Variants in STIMATE observed in about 807,000 individuals in gnomAD.
STIMATE encodes store-operated calcium entry regulator STIMATE.
In STIMATE, 15 loss-of-function variants were observed where a neutral mutation model predicts 36.7. That is an observed-to-expected ratio of 0.41 (90% CI 0.27 to 0.63). STIMATE has a LOEUF of 0.63. Ranked by LOEUF, STIMATE falls within the 20% of genes least tolerant of loss-of-function variation. The pLI, the probability that STIMATE is intolerant of heterozygous loss-of-function variation, is 0.32. For missense variants in STIMATE, 305 were observed against 397.3 expected, an observed-to-expected ratio of 0.77 and a Z score of 1.98; for synonymous variants, 163 against 162.3, an observed-to-expected ratio of 1.00 and a Z score of -0.03.
At position 52,897,391 on chromosome 3, in the gene STIMATE, G is replaced by A; in HGVS notation, c.60C>T (p.Val20=). The change falls in exon 1 of 8, where the codon GTC becomes GTT. Residue 20 remains valine, a synonymous_variant. Coordinates refer to ENST00000355083, the MANE Select transcript of STIMATE (RefSeq NM_198563.5). ...TCTCGCAGCGGCCCGCCCCGGACGC[G>A]ACTGTGGAGGGCGGCCCGCCTGGCA... is the stretch of plus-strand genomic sequence containing the variant. The part of the protein sequence containing the change: ...RGLPGGPPST[V]ASGAGRCESG... 2 of 1,506,852 alleles carry A rather than the reference G, an allele frequency of 1.3e-6. No individual in the cohort carries two copies. Among genetic ancestry groups the A allele is most frequent in the Non-Finnish European group, 1.8e-6 (2 of 1,134,122 alleles). The allele number at this position is 1,506,852 out of a possible 1,614,324, so 93.3% of individuals were successfully genotyped here.
At chr3:52,843,105 C>G (rs1037343818) in intron 6 of STIMATE, 145 bp from the exon 7 acceptor site, 39 of 1,389,996 alleles carry the variant, frequency 2.8e-5, no homozygotes, top group Non-Finnish European at 7.7e-6. Flanking sequence ...CCTGCTCTCT[C>G]CCAAAGCTTA....
rs1701075391 is a variant in STIMATE, at chr3:52,855,427, G to C, written c.178C>G (p.Pro60Ala). The C allele has an allele frequency of 6.2e-7, 1 of 1,614,006 alleles. No homozygotes were observed. Among genetic ancestry groups the C allele is most frequent in the Non-Finnish European group, 8.5e-7 (1 of 1,180,010 alleles). Residue 60 changes from proline (P) to alanine (A), a missense_variant, in exon 2 of 8, where the codon CCA (proline) becomes GCA (alanine). Around this residue, in one of 3 missense-constraint regions of STIMATE, gnomAD observed 164 missense variants for 257.9 expected, o/e 0.64. Coordinates refer to ENST00000355083, the MANE Select transcript of STIMATE (RefSeq NM_198563.5). ...STLMLKRFRE[P>A]KHERRPWRIW... ...CTCCACGGACGTCTTTCATGCTTTG[G>C]TTCTCTGAAGCGTTTGACTGAAAGA...
At chr3:52,895,788 A>G in intron 1 of STIMATE, 1 of 991,448 alleles carries the variant, frequency 1.0e-6, no homozygotes, top group Non-Finnish European at 1.4e-6. Context: ...GTTAGGGAGC[A>G]AAAGAAAAAT....
rs1700721043 is a variant in STIMATE at position 52,837,314 on chromosome 3, C to T, written c.*3180G>A. 1 of 152,332 alleles carries T rather than the reference C, an allele frequency of 6.6e-6. No individual in the cohort carries two copies. Among genetic ancestry groups the T allele is most frequent in the Non-Finnish European group, 1.5e-5 (1 of 68,110 alleles). 9.4% of individuals were successfully genotyped at this position (152,332 alleles called of 1,614,324 possible). A position where few individuals can be genotyped will look rare whatever the true frequency, so the allele number is the denominator to read the frequency against. On this transcript the variant is annotated 3_prime_UTR_variant, in exon 8 of 8. Transcript: ENST00000355083. ...GCTGCACCCTACAGGCTTACACTGT[C>T]TAAGGGAAGTCACAGCTTGGATTTG...
At position 52,840,427 on chromosome 3, in the gene STIMATE, C is replaced by T. The variant is rs1700775270; in HGVS notation, c.*67G>A. ...GGCAGAGAGAGGGTAAGGAACGATGCTGCGGGATGACCTCTGCACACCAGC... is the reference window on the plus strand; with the variant it reads ...GGCAGAGAGAGGGTAAGGAACGATGTTGCGGGATGACCTCTGCACACCAGC... On this transcript the variant is annotated 3_prime_UTR_variant, in exon 8 of 8. Transcript: ENST00000355083. The T allele has an allele frequency of 6.5e-7, 1 of 1,541,966 alleles. No individual in the cohort carries two copies. The highest frequency in any genetic ancestry group is 8.9e-7 in the Non-Finnish European group (1 of 1,125,138).
intron 1 of STIMATE, among the ~76,000 whole-genome samples, chr3:52,862,383 C>T (rs1701232675): frequency 6.6e-6 from 1 of 152,198 alleles, no homozygotes; most frequent in East Asian, 1.9e-4. Flanking sequence ...TCCACTCCAC[C>T]AGCACTGAGC....
chr3:52,853,559 G>A (rs924381928), intron 2 of STIMATE, among the ~76,000 whole-genome samples: 2 of 152,152 alleles, frequency 1.3e-5, no homozygotes, highest in African/African-American at 4.8e-5. Flanking sequence ...CCAACCCAGC[G>A]ACGGTGGCTG....
At chr3:52,849,997 C>A (rs1175204683) in intron 3 of STIMATE, 84 bp from the exon 4 acceptor site, 3 of 1,504,118 alleles carry the variant, frequency 2.0e-6, no homozygotes, top group East Asian at 4.9e-5. Flanking sequence ...CTGAGGGAAG[C>A]GGATGGACCC....
chr3:52,843,844 A>G, intron 5 of STIMATE, 46 bp from the exon 6 acceptor site: 1 of 926,624 alleles, frequency 1.1e-6, no homozygotes, highest in Non-Finnish European at 1.6e-6. Flanking sequence ...GGCCACCGAG[A>G]GTGTGCCTGG....
At chr3:52,859,170 A>T (rs911604853) in intron 1 of STIMATE, among the ~76,000 whole-genome samples, 14 of 146,134 alleles carry the variant, frequency 9.6e-5, no homozygotes, top group Admixed American at 2.1e-4. Flanking sequence ...CTCAAAAAAA[A>T]TAAAATAAAT....
At chr3:52,875,921 ACC>A (rs1266968462) in intron 1 of STIMATE, among the ~76,000 whole-genome samples, 2 of 152,212 alleles carry the variant, frequency 1.3e-5, no homozygotes, top group East Asian at 3.9e-4. Flanking sequence ...CAGCCAGCTC[ACC>A]TGGAGAAGCA....
At position 52,861,472 on chromosome 3, in the gene STIMATE, ACAGT is replaced by A. The variant is rs1293423298; in HGVS notation, c.161-6032_161-6029del. 2.0e-5 allele frequency among the ~76,000 whole-genome samples: 3 copies of A among 152,354 alleles called. No homozygotes were observed. The East Asian group carries it at 5.8e-4, about 29-fold the overall frequency. ...AGGAGGAGTGGTCAACAGCCTGGGC[ACAGT>A]CAGACAGATGTGGCTTTGAATCCTG... On this transcript the variant is annotated intron_variant, in intron 1 of 7. Coordinates refer to ENST00000355083, the MANE Select transcript of STIMATE (RefSeq NM_198563.5).
intron 1 of STIMATE, among the ~76,000 whole-genome samples, chr3:52,859,530 A>AAAAT (rs1701173396): frequency 2.1e-5 from 1 of 47,068 alleles, no homozygotes; most frequent in Non-Finnish European, 4.7e-5. Flanking sequence ...AAAAAAAAAA[A>AAAAT]ATTTTTTTTT....
chr3:52,852,399 G>A (rs988510478), intron 3 of STIMATE, among the ~76,000 whole-genome samples: 7 of 152,196 alleles, frequency 4.6e-5, no homozygotes, highest in Non-Finnish European at 7.3e-5. Context: ...GTGTCAACAC[G>A]CAAAGCCCTA....
intron 1 of STIMATE, among the ~76,000 whole-genome samples, chr3:52,860,221 C>T (rs1701194892): frequency 6.6e-6 from 1 of 151,636 alleles, no homozygotes; most frequent in South Asian, 2.1e-4. Context: ...AGATGAAATG[C>T]ACAAAACCCT....
chr3:52,848,223 A>G (rs974930715), intron 4 of STIMATE: 5 of 152,400 alleles, frequency 3.3e-5, no homozygotes, highest in Non-Finnish European at 7.3e-5. Flanking sequence ...AAGACTCAGG[A>G]TGGTCCCCAC....
rs188656674 is a variant in STIMATE, at chr3:52,876,740, T to C, written c.160+20551A>G. On this transcript the variant is annotated intron_variant, in intron 1 of 7. Coordinates refer to ENST00000355083, the MANE Select transcript of STIMATE (RefSeq NM_198563.5). ...CTCATTTTATTGTAAGAATACCATA[T>C]ATAATACATATATAAAATATGTGTT... 3.1e-3 allele frequency among the ~76,000 whole-genome samples: 478 copies of C among 152,350 alleles called. 2 individuals are homozygous for C. Among genetic ancestry groups the C allele is most frequent in the Middle Eastern group, 6.8e-3 (2 of 294 alleles).
At position 52,897,438 on chromosome 3, in the gene STIMATE, C is replaced by T. The variant is rs1162398782; in HGVS notation, c.13G>A (p.Ala5Thr). The T allele has an allele frequency of 1.4e-6, 2 of 1,426,252 alleles. No individual in the cohort carries two copies. Among genetic ancestry groups the T allele is most frequent in the East Asian group, 3.0e-5 (1 of 33,380 alleles). The allele number at this position is 1,426,252 out of a possible 1,614,324, so 88.3% of individuals were successfully genotyped here. A position where few individuals can be genotyped will look rare whatever the true frequency, so the allele number is the denominator to read the frequency against. The stretch of plus-strand genomic sequence containing the variant: ...GGCAGTCCCCGGCTCGCGTTCCCGG[C>T]GGGGCCCTGCATGACAGGCCTCGCG... MQGP[A>T]GNASRGLPGG... is the part of the protein sequence containing the mutation. Residue 5 changes from alanine (A) to threonine (T), a missense_variant, in exon 1 of 8, where the codon GCC becomes ACC. Around this residue, in one of 3 missense-constraint regions of STIMATE, gnomAD observed 57 missense variants for 57.1 expected, o/e 1.00. Transcript: ENST00000355083.
intron 1 of STIMATE, among the ~76,000 whole-genome samples, chr3:52,892,019 G>T (rs992693149): frequency 2.0e-5 from 3 of 152,236 alleles, no homozygotes; most frequent in Non-Finnish European, 2.9e-5. Context: ...CCACATGGCA[G>T]AGCGAAGCAG....
Sources: gnomAD v4.1 joint callset for allele counts (sites outside exome capture counted in the v4.1 genomes callset) on GRCh38, gnomAD v4.1.1 for gene constraint, gnomAD v4.1.1 regional missense constraint, MANE v1.5 for transcripts, NCBI Gene and HGNC (gene_info 2026-07-23, HGNC 2026-07-21) for gene names.